Variants in USP7 observed in about 807,000 individuals in gnomAD.
USP7 encodes ubiquitin specific peptidase 7.
A neutral mutation model predicts 162.9 loss-of-function variants in USP7; 9 were observed. The ratio of observed to expected loss-of-function variants is 0.06; its 90% CI spans 0.03 to 0.10. The LOEUF (loss-of-function observed/expected upper bound fraction) is 0.10. Ranked by LOEUF, USP7 falls within the 10% of genes least tolerant of loss-of-function variation. USP7 has a pLI of 1.00. For synonymous variants in USP7, 562 were observed against 475.9 expected (o/e 1.18, Z -2.35); for missense variants, 715 against 1,373.7 (o/e 0.52, Z 7.58).
intron 14 of USP7, 48 bp downstream of exon 14, chr16:8,905,139 T>TC (rs1326101581): frequency 1.3e-6 from 2 of 1,592,604 alleles, no homozygotes; most frequent in East Asian, 2.3e-5. Flanking sequence ...GGTACAAATG[T>TC]CCAAGTCCAC....
In USP7 at chr16:8,895,887, A is replaced by G. The variant is rs1436796685; in HGVS notation, c.2820-146T>C. The G allele has an allele frequency of 8.8e-6, 5 of 565,644 alleles. No individual in the cohort carries two copies. The African/African-American group carries it at 9.9e-5, about 11-fold the overall frequency. 35.0% of individuals were successfully genotyped at this position (565,644 alleles called of 1,614,324 possible). On this transcript the variant is annotated intron_variant, in intron 26 of 30. Coordinates refer to ENST00000344836, the MANE Select transcript of USP7 (RefSeq NM_003470.3). ...AGTCTCAATCTGTCGCCCAGGCTGG[A>G]GTGCAACAGCATGGTCTCAGCTCAC...
At chr16:8,932,557 T>C (rs1898420591) in intron 1 of USP7, among the ~76,000 whole-genome samples, 1 of 152,100 alleles carries the variant, frequency 6.6e-6, no homozygotes, top group African/African-American at 2.4e-5. Context: ...GAAGGAAAAA[T>C]GTCTTTTTGC....
At chr16:8,901,101 G>C (rs780538173) in intron 19 of USP7, 41 bp downstream of exon 19, 3 of 1,613,018 alleles carry the variant, frequency 1.9e-6, no homozygotes, top group Non-Finnish European at 2.5e-6. Flanking sequence ...GTAATGTACT[G>C]AGCAAAATCT....
intron 1 of USP7, among the ~76,000 whole-genome samples, chr16:8,948,204 A>T (rs1483800324): frequency 6.6e-6 from 1 of 152,044 alleles, no homozygotes; most frequent in Admixed American, 6.6e-5. Flanking sequence ...ACTGACCTTG[A>T]TTCCTCCCTC....
At chr16:8,895,563 A>G (rs1247127409) in intron 27 of USP7, 79 bp downstream of exon 27, 3 of 1,194,554 alleles carry the variant, frequency 2.5e-6, no homozygotes, top group Admixed American at 1.9e-5. Flanking sequence ...CTACTTGTAC[A>G]ACTTGCTGTG....
At chr16:8,960,119 T>C (rs1240627234) in intron 1 of USP7, among the ~76,000 whole-genome samples, 1 of 152,212 alleles carries the variant, frequency 6.6e-6, no homozygotes, top group African/African-American at 2.4e-5. Context: ...TAGACTTCCA[T>C]GGCCACCAAA....
intron 1 of USP7, among the ~76,000 whole-genome samples, chr16:8,954,365 C>T (rs1038409674): frequency 2.6e-5 from 4 of 152,326 alleles, no homozygotes; most frequent in African/African-American, 7.2e-5. Flanking sequence ...AACATCCAAA[C>T]GTGTTCAGTG....
At chr16:8,932,011 C>T (rs1277724313) in intron 1 of USP7, among the ~76,000 whole-genome samples, 1 of 152,090 alleles carries the variant, frequency 6.6e-6, no homozygotes, top group Non-Finnish European at 1.5e-5. Flanking sequence ...TTCTGCCATC[C>T]GAACCAGCAA....
At chr16:8,925,559 C>T (rs7205293) in intron 2 of USP7, among the ~76,000 whole-genome samples, 6,943 of 152,288 alleles carry the variant, frequency 0.046, 218 homozygotes, top group Middle Eastern at 0.14. Flanking sequence ...ACTCCTTAAA[C>T]ATTAAAAAGA....
chr16:8,904,068 C>G (rs1373224251), intron 15 of USP7, among the ~76,000 whole-genome samples: 3 of 152,148 alleles, frequency 2.0e-5, no homozygotes, highest in Non-Finnish European at 4.4e-5. Flanking sequence ...TTCTGACAAC[C>G]AAGTCTTTAC....
At chr16:8,936,743 G>C (rs1898758814) in intron 1 of USP7, 7 of 1,367,014 alleles carry the variant, frequency 5.1e-6, no homozygotes, top group East Asian at 5.9e-5. Context: ...GCATCCCACA[G>C]AAGCCTTGTC....
intron 8 of USP7, 117 bp downstream of exon 8, chr16:8,916,385 T>G (rs1388374733): frequency 1.8e-6 from 2 of 1,103,854 alleles, no homozygotes; most frequent in African/African-American, 3.2e-5. Flanking sequence ...CTAAGTCTGA[T>G]CCTAAACAAA....
intron 3 of USP7, among the ~76,000 whole-genome samples, chr16:8,921,752 A>G (rs1897701647): frequency 6.6e-6 from 1 of 152,194 alleles, no homozygotes. Context: ...CCCGGCATCG[A>G]CGAATTCACG....
In USP7 at chr16:8,902,717, G is replaced by A. The variant is rs566529604; in HGVS notation, c.1840-235C>T. Among the ~76,000 whole-genome samples the A allele has an allele frequency of 7.9e-4, 120 of 152,062 alleles. 1 individual carries two copies. Among genetic ancestry groups the A allele is most frequent in the Non-Finnish European group, 1.5e-3 (99 of 67,972 alleles). ...AGCCTGGCCAACATGGTGAACTCTC[G>A]TCTCTACTAAAAATACAAAAATCAG... On this transcript the variant is annotated intron_variant, in intron 16 of 30. Coordinates refer to ENST00000344836, the MANE Select transcript of USP7 (RefSeq NM_003470.3).
At chr16:8,894,171 G>C in intron 30 of USP7, 67 bp from the exon 31 acceptor site, 1 of 1,438,076 alleles carries the variant, frequency 7.0e-7, no homozygotes, top group Non-Finnish European at 9.8e-7. Flanking sequence ...CGGGGTGGTG[G>C]CCAGTGAGGC....
At chr16:8,914,483 C>T (rs995354282) in intron 10 of USP7, among the ~76,000 whole-genome samples, 9 of 152,124 alleles carry the variant, frequency 5.9e-5, no homozygotes, top group Non-Finnish European at 1.0e-4. Context: ...CAAATGGAGA[C>T]CAACCCAAAT....
chr16:8,904,475 C>T lies in USP7; in HGVS notation c.1664G>A (p.Arg555Gln). The change falls in exon 15 of 31, where the codon CGG (arginine) becomes CAG (glutamine). Residue 555 changes from arginine to glutamine, a missense_variant. Arg to Gln is a conservative substitution (Grantham distance 43). Around this residue, in one of 11 missense-constraint regions of USP7, gnomAD observed 197 missense variants for 306.5 expected, o/e 0.64. Coordinates refer to ENST00000344836, the MANE Select transcript of USP7 (RefSeq NM_003470.3). ...QEEKRIEAQK[R>Q]KERQEAHLYM... ...GAGATGGGCTTCCTGCCGCTCCTTC[C>T]GCTTCTGAGCCTCGATCCTTTTCTC... 6.2e-7 allele frequency: 1 copy of T among 1,614,138 alleles called. No homozygotes were observed.
chr16:8,899,363 T>A, intron 22 of USP7, 175 bp from the exon 23 acceptor site: 1 of 741,636 alleles, frequency 1.3e-6, no homozygotes, highest in South Asian at 1.9e-5. Context: ...GAGTAGCATA[T>A]CTGATGAAGA....
At chr16:8,912,034 G>C (rs1207017289) in intron 10 of USP7, among the ~76,000 whole-genome samples, 2 of 152,160 alleles carry the variant, frequency 1.3e-5, no homozygotes, top group African/African-American at 4.8e-5. Flanking sequence ...TTAAAAACAA[G>C]CCTCACAGGA....
Sources: gnomAD v4.1 joint callset for allele counts (sites outside exome capture counted in the v4.1 genomes callset) on GRCh38, gnomAD v4.1.1 for gene constraint, gnomAD v4.1.1 regional missense constraint, MANE v1.5 for transcripts, NCBI Gene and HGNC (gene_info 2026-07-23, HGNC 2026-07-21) for gene names.